SFXN3: variants seen among roughly 807,000 people sequenced by gnomAD.
SFXN3 encodes the protein sideroflexin 3.
In SFXN3, 31 loss-of-function variants were observed where a neutral mutation model predicts 40.4. That is an observed-to-expected ratio of 0.77 (90% CI 0.58 to 1.04). The LOEUF (loss-of-function observed/expected upper bound fraction) is 1.04. Among genes scored for constraint, SFXN3 ranks in the 50% least tolerant of loss-of-function variants. The pLI is 0.00. For missense variants in SFXN3, 366 were observed against 408.2 expected (o/e 0.90, Z 0.89); for synonymous variants, 157 against 160.0 (o/e 0.98, Z 0.14).
intron 2 of SFXN3, 39 bp from the exon 3 acceptor site, chr10:101,034,653 C>A: frequency 6.2e-7 from 1 of 1,606,322 alleles, no homozygotes; most frequent in Non-Finnish European, 8.5e-7. Context: ...GCCCTTGGAC[C>A]CTTGGACTCC....
At chr10:101,038,249 AGAGTGCC>A in intron 9 of SFXN3, 1 of 1,122,146 alleles carries the variant, frequency 8.9e-7, no homozygotes, top group Non-Finnish European at 1.1e-6. Context: ...CAAATTGAGA[AGAGTGCC>A]GAGGAAGAGA....
At chr10:101,037,827 C>G in intron 9 of SFXN3, 2 of 1,097,362 alleles carry the variant, frequency 1.8e-6, no homozygotes, top group Non-Finnish European at 2.2e-6. Context: ...GGAACAAGCT[C>G]TGGCTCATTC....
exon 2 of SFXN3, chr10:101,032,449 G>A (rs1458792460): frequency 1.3e-6 from 2 of 1,542,832 alleles, no homozygotes; most frequent in Non-Finnish European, 1.7e-6. Flanking sequence ...AGAGAGGAAG[G>A]CGGTTCTGAG....
intron 9 of SFXN3, 124 bp downstream of exon 9, chr10:101,037,555 A>C: frequency 6.3e-7 from 1 of 1,591,048 alleles, no homozygotes. Flanking sequence ...TGACCCCTGC[A>C]CCGCCTCCTC....
At chr10:101,034,066 G>A (rs566927721) in intron 2 of SFXN3, among the ~76,000 whole-genome samples, 5 of 152,052 alleles carry the variant, frequency 3.3e-5, no homozygotes, top group African/African-American at 1.2e-4. Flanking sequence ...TATCTCAACT[G>A]CAAGAGGCTT....
intron 8 of SFXN3, 22 bp from the exon 9 acceptor site, chr10:101,037,360 C>T (rs1201959464): frequency 6.2e-7 from 1 of 1,614,164 alleles, no homozygotes; most frequent in South Asian, 1.1e-5. Context: ...TGTTCTCCTT[C>T]TTGGCCCTGC....
At position 101,036,878 on chromosome 10, in the gene SFXN3, T is replaced by C; in HGVS notation, c.593+70T>C. On this transcript the variant is annotated intron_variant, in intron 7 of 11. Coordinates refer to ENST00000393459, the Ensembl canonical transcript of SFXN3. This position sits in a 1 kb window ranked among gnomAD's most constrained non-coding sequence, Gnocchi z 4.2. ...ACACTGTCCATCCACGCAGACCACC[T>C]CAGAATGGGGACATCCCTCTCCCTC... 6.3e-7 allele frequency: 1 copy of C among 1,575,790 alleles called. No individual in the cohort carries two copies. The highest frequency in any genetic ancestry group is 8.7e-7 in the Non-Finnish European group (1 of 1,154,560).
Position 101,039,230 on chromosome 10 carries a change from CT to C in SFXN3, c.869+9del. The C allele has an allele frequency of 6.2e-7, 1 of 1,603,640 alleles. No homozygotes were observed. Among genetic ancestry groups the C allele is most frequent in the Non-Finnish European group, 8.5e-7 (1 of 1,174,686 alleles). The stretch of plus-strand genomic sequence containing the variant: ...CCTATTCCCCCAGAAGAGGTAAGTG[CT>C]GTCCCTGGGCTGGGTGGGGGACTCT... On this transcript the variant is annotated intron_variant, in intron 11 of 11. Coordinates refer to ENST00000393459, the Ensembl canonical transcript of SFXN3. The surrounding 1 kb of genome is among the most constrained non-coding windows in gnomAD (Gnocchi z 4.6).
intron 4 of SFXN3, 147 bp downstream of exon 4, chr10:101,035,814 T>TGGGGTGAGA: frequency 1.6e-6 from 2 of 1,219,840 alleles, no homozygotes; most frequent in African/African-American, 1.5e-5. Context: ...AGGAGGTCTC[T>TGGGGTGAGA]CACCCCAGAG....
At chr10:101,037,755 G>A (rs1241832295) in intron 9 of SFXN3, 1 of 1,290,360 alleles carries the variant, frequency 7.7e-7, no homozygotes, top group African/African-American at 1.5e-5. Context: ...CCTCCATACT[G>A]AGAGGTACAC....
In SFXN3 at chr10:101,037,133, G is replaced by C. The variant is rs757932880; in HGVS notation, c.651G>C (p.Ser217=). 3.1e-6 allele frequency: 5 copies of C among 1,613,846 alleles called. No homozygotes were observed. The Admixed American group carries it at 8.3e-5, about 27-fold the overall frequency. The change falls in exon 8 of 12, where the codon TCG becomes TCC. Residue 217 remains serine (S), a synonymous_variant. Coordinates refer to ENST00000393459, the Ensembl canonical transcript of SFXN3. ...AGGCAGGTCAGAGGCTTGGCTACTC[G>C]GTGACTGCAGCCAAGCAGGGAATCT...
rs144600251 is a variant in SFXN3 at position 101,036,028 on chromosome 10, C to T, written c.358C>T (p.Gln120Ter). ...GAAGACCCCAACCGTGGTGTTCTGG[C>T]AGTGGGTGAATCAGTCCTTCAATGC... Residue 120 changes from glutamine (Q) to a stop codon, truncating the protein, a stop_gained, in exon 5 of 12, where the codon CAG becomes TAG. Transcript: ENST00000393459. LOFTEE classifies it high-confidence loss of function. The surrounding 1 kb of genome is among the most constrained non-coding windows in gnomAD (Gnocchi z 4.2). The T allele has an allele frequency of 9.1e-5, 147 of 1,613,960 alleles. No homozygotes were observed. Among genetic ancestry groups the T allele is most frequent in the Admixed American group, 3.0e-4 (18 of 59,998 alleles).
intron 9 of SFXN3, 30 bp downstream of exon 9, chr10:101,037,461 A>T (rs373560183): frequency 4.3e-6 from 7 of 1,614,032 alleles, no homozygotes; most frequent in Non-Finnish European, 5.9e-6. Flanking sequence ...TTGTCCTGGA[A>T]TGGGCGATGG....
At position 101,036,768 on chromosome 10, in the gene SFXN3, GCAGCTGC is replaced by G; in HGVS notation, c.556_562del (p.Ala186ThrfsTer7). 1 of 1,613,860 alleles carries G rather than the reference GCAGCTGC, an allele frequency of 6.2e-7. No homozygotes were observed. The highest frequency in any genetic ancestry group is 1.1e-5 in the South Asian group (1 of 91,082). ...CAGATTTGTGCCCTTTGCAGCAGTG[GCAGCTGC>G]CAACTGCATCAACATCCCCCTGATG... is the stretch of plus-strand genomic sequence containing the variant. On this transcript the variant is annotated frameshift_variant, in exon 7 of 12. Coordinates refer to ENST00000393459, the Ensembl canonical transcript of SFXN3. LOFTEE classifies it high-confidence loss of function. The surrounding 1 kb of genome is among the most constrained non-coding windows in gnomAD (Gnocchi z 4.2).
chr10:101,032,231 A>G, intron 1 of SFXN3, 83 bp from the exon 2 acceptor site: 1 of 475,784 alleles, frequency 2.1e-6, no homozygotes, highest in African/African-American at 2.0e-5. Flanking sequence ...CCGAGGTGGG[A>G]TTGGCTCTGG....
intron 2 of SFXN3, among the ~76,000 whole-genome samples, chr10:101,033,022 G>T (rs765642424): frequency 3.9e-5 from 6 of 152,202 alleles, no homozygotes; most frequent in Admixed American, 3.9e-4. Context: ...ACCAGGGAGA[G>T]CCTGGGGTCA....
At position 101,039,511 on chromosome 10, in the gene SFXN3, G is replaced by A. The variant is rs748264628; in HGVS notation, c.892G>A (p.Glu298Lys). 7.4e-6 allele frequency: 12 copies of A among 1,614,100 alleles called. No individual in the cohort carries two copies. Among genetic ancestry groups the A allele is most frequent in the Non-Finnish European group, 1.0e-5 (12 of 1,179,986 alleles). The change falls in exon 12 of 12, where the codon GAA becomes AAA. Residue 298 changes from glutamate (E) to lysine (K), a missense_variant. Coordinates refer to ENST00000393459, the Ensembl canonical transcript of SFXN3. This position sits in a 1 kb window ranked among gnomAD's most constrained non-coding sequence, Gnocchi z 4.6. ...CAGCTCCATACACATAAGCAACCTG[G>A]AACCAGAGCTGAGAGCTCAGATCCA...
rs183144155 is a variant in SFXN3 at position 101,039,840 on chromosome 10, T to C, written c.*255T>C. ...CATGCATATACATACATGATACACA[T>C]GTGTATGTGTACATTGGGTCCTGAA... On this transcript the variant is annotated 3_prime_UTR_variant, in exon 12 of 12. Coordinates refer to ENST00000393459, the Ensembl canonical transcript of SFXN3. The surrounding 1 kb of genome is among the most constrained non-coding windows in gnomAD (Gnocchi z 4.6). 2 of 524,416 alleles carry C rather than the reference T, an allele frequency of 3.8e-6. No homozygotes were observed. The highest frequency in any genetic ancestry group is 3.1e-5 in the East Asian group (1 of 31,784). The allele number at this position is 524,416 out of a possible 1,614,324, so 32.5% of individuals were successfully genotyped here.
rs1487787335 is a variant in SFXN3, at chr10:101,032,305, C to G, written c.-172-9C>G. The G allele has an allele frequency of 4.4e-6, 3 of 683,266 alleles. No individual in the cohort carries two copies. Among genetic ancestry groups the G allele is most frequent in the Non-Finnish European group, 7.0e-6 (3 of 427,604 alleles). 42.3% of individuals were successfully genotyped at this position (683,266 alleles called of 1,614,324 possible). On this transcript the variant is annotated splice_polypyrimidine_tract_variant and intron_variant, in intron 1 of 11. Coordinates refer to ENST00000393459, the Ensembl canonical transcript of SFXN3. Reference sequence around the variant, plus strand: ...GGGCATCGCCTCGAATGACACCCACCGCCCTCAGGTTCTGCCAATCCCCGT... The same window carrying G: ...GGGCATCGCCTCGAATGACACCCACGGCCCTCAGGTTCTGCCAATCCCCGT...
Sources: gnomAD v4.1 joint callset for allele counts (sites outside exome capture counted in the v4.1 genomes callset) on GRCh38, gnomAD v4.1.1 for gene constraint, Gnocchi (gnomAD v3.1) non-coding constraint, MANE v1.5 for transcripts, NCBI Gene and HGNC (gene_info 2026-07-23, HGNC 2026-07-21) for gene names.